The following SGCD variants were observed in gnomAD, a reference collection of about 807,000 sequenced individuals.
The protein encoded by SGCD is sarcoglycan delta.
Under a neutral mutation model 36.6 loss-of-function variants are expected in SGCD, and 18 were observed. The observed-to-expected ratio is 0.49, with a 90% CI of 0.34 to 0.73. The LOEUF is 0.73. Among genes scored for constraint, SGCD ranks in the 30% least tolerant of loss-of-function variants. The pLI is 0.01. For missense variants in SGCD, 387 were observed against 346.7 expected, an observed-to-expected ratio of 1.12 and a Z score of -0.92; for synonymous variants, 133 against 130.6, an observed-to-expected ratio of 1.02 and a Z score of -0.12.
chr5:156,207,287 A>T (rs1764305849), intron 3 of SGCD, among the ~76,000 whole-genome samples: 1 of 152,150 alleles, frequency 6.6e-6, no homozygotes, highest in African/African-American at 2.4e-5. Flanking sequence ...ATAGGAAAAA[A>T]TTCAGTAAAA....
chr5:156,334,608 T>C (rs1012108954), intron 2 of SGCD, among the ~76,000 whole-genome samples: 11 of 129,618 alleles, frequency 8.5e-5, no homozygotes, highest in Non-Finnish European at 1.3e-4. Flanking sequence ...TGGTCTATTT[T>C]CTTTTTTTTT....
intron 3 of SGCD, among the ~76,000 whole-genome samples, chr5:156,226,198 G>A (rs1454166294): frequency 6.6e-6 from 1 of 152,016 alleles, no homozygotes; most frequent in East Asian, 1.9e-4. Flanking sequence ...CCTATTTGTA[G>A]TCTTTTATCC....
chr5:156,458,423 A>G, intron 3 of SGCD: 1 of 1,607,308 alleles, frequency 6.2e-7, no homozygotes. Flanking sequence ...TGTAGTAGAC[A>G]CCAATCTGAG....
chr5:156,432,972 A>G (rs1047137683), intron 3 of SGCD, among the ~76,000 whole-genome samples: 1 of 152,152 alleles, frequency 6.6e-6, no homozygotes, highest in Non-Finnish European at 1.5e-5. Context: ...CTGCATGTGT[A>G]TCTGCAGCAC....
chr5:156,303,569 G>A (rs892933614), intron 3 of SGCD, among the ~76,000 whole-genome samples: 1 of 151,564 alleles, frequency 6.6e-6, no homozygotes, highest in African/African-American at 2.4e-5. Flanking sequence ...ACCATAGCTG[G>A]TAATGTACTG....
intron 1 of SGCD, among the ~76,000 whole-genome samples, chr5:155,953,227 G>A (rs1757578739): frequency 6.6e-6 from 1 of 151,926 alleles, no homozygotes; most frequent in Admixed American, 6.6e-5. Context: ...ATTGTTTCTT[G>A]AAAGCACAAT....
intron 7 of SGCD, among the ~76,000 whole-genome samples, chr5:156,668,119 C>T (rs1485921525): frequency 1.3e-5 from 2 of 152,158 alleles, no homozygotes; most frequent in African/African-American, 4.8e-5. Flanking sequence ...TTCATCACAA[C>T]TGTCCTCACT....
At chr5:156,182,053 A>G (rs191272399) in intron 3 of SGCD, among the ~76,000 whole-genome samples, 1,862 of 152,332 alleles carry the variant, frequency 0.012, 143 homozygotes, top group Admixed American at 0.11. Flanking sequence ...TTCTAGGAGC[A>G]CAGGGCTTTA....
chr5:156,071,269 G>A (rs1160851607), intron 1 of SGCD, among the ~76,000 whole-genome samples: 1 of 152,280 alleles, frequency 6.6e-6, no homozygotes, highest in African/African-American at 2.4e-5. Context: ...TGGGCATTTA[G>A]TGTTATAAAT....
chr5:156,655,430 A>C (rs77616909), intron 7 of SGCD, among the ~76,000 whole-genome samples: 4,482 of 152,232 alleles, frequency 0.029, 209 homozygotes, highest in African/African-American at 0.1. Context: ...TCTTTGCTAC[A>C]GTTTTGGTTC....
At chr5:155,772,299 A>G in the SGCD span, among the ~76,000 whole-genome samples, 6 of 152,228 alleles carry the variant, frequency 3.9e-5, no homozygotes, top group Non-Finnish European at 7.3e-5. Context: ...AGTTATTTAG[A>G]ATAGTAATCA....
chr5:156,015,530 T>G (rs1456497851), intron 1 of SGCD, among the ~76,000 whole-genome samples: 1 of 152,020 alleles, frequency 6.6e-6, no homozygotes, highest in Non-Finnish European at 1.5e-5. Flanking sequence ...AGGTGGCTCA[T>G]TATTACTGGG....
intron 1 of SGCD, among the ~76,000 whole-genome samples, chr5:155,989,116 G>A (rs565832324): frequency 2.6e-5 from 4 of 152,164 alleles, no homozygotes; most frequent in Admixed American, 1.3e-4. Flanking sequence ...AATCCATTTC[G>A]GGACTTGTAG....
intron 1 of SGCD, among the ~76,000 whole-genome samples, chr5:155,938,719 C>T (rs543956988): frequency 2.6e-5 from 4 of 152,144 alleles, no homozygotes; most frequent in African/African-American, 9.7e-5. Context: ...TTTTTCATCC[C>T]CTGTGGCACC....
the SGCD span, among the ~76,000 whole-genome samples, chr5:155,854,211 G>A: frequency 6.6e-6 from 1 of 152,088 alleles, no homozygotes; most frequent in Admixed American, 6.6e-5. Flanking sequence ...GTGGGTAGCA[G>A]CATCTCTGGT....
At chr5:156,622,906 G>C (rs1393097104) in intron 6 of SGCD, among the ~76,000 whole-genome samples, 1 of 152,122 alleles carries the variant, frequency 6.6e-6, no homozygotes, top group Non-Finnish European at 1.5e-5. Context: ...CTTCAGGGGA[G>C]AATGACGGGA....
chr5:155,801,927 G>A, the SGCD span, among the ~76,000 whole-genome samples: 2 of 152,152 alleles, frequency 1.3e-5, no homozygotes, highest in African/African-American at 4.8e-5. Flanking sequence ...GATACTGTAA[G>A]GGCATCTGTG....
intron 1 of SGCD, among the ~76,000 whole-genome samples, chr5:155,898,198 T>C (rs1463654114): frequency 6.6e-6 from 1 of 152,188 alleles, no homozygotes; most frequent in Non-Finnish European, 1.5e-5. Context: ...GTCCCTGCTA[T>C]CCCAGGAGAA....
chr5:156,251,656 A>G (rs1765581131), intron 3 of SGCD, among the ~76,000 whole-genome samples: 2 of 151,688 alleles, frequency 1.3e-5, no homozygotes, highest in Admixed American at 1.3e-4. Flanking sequence ...CTGGGACTAC[A>G]GGCACCCGCC....
Sources: gnomAD v4.1 joint callset for allele counts (sites outside exome capture counted in the v4.1 genomes callset) on GRCh38, gnomAD v4.1.1 for gene constraint, MANE v1.5 for transcripts, NCBI Gene and HGNC (gene_info 2026-07-23, HGNC 2026-07-21) for gene names.